Variants in PHC2 observed in about 807,000 individuals in gnomAD.
The protein encoded by PHC2 is polyhomeotic-like protein 2.
In PHC2, 29 loss-of-function variants were observed where a neutral mutation model predicts 87.4. That is an observed-to-expected ratio of 0.33 (90% confidence interval 0.25 to 0.45). The LOEUF (loss-of-function observed/expected upper bound fraction) is 0.45. Ranked by LOEUF, PHC2 falls within the 20% of genes least tolerant of loss-of-function variation. The pLI is 1.00. For missense variants in PHC2, 857 were observed against 1,136.7 expected, an observed-to-expected ratio of 0.75 and a Z score of 3.54; for synonymous variants, 438 against 461.7, an observed-to-expected ratio of 0.95 and a Z score of 0.66.
intron 14 of PHC2, among the ~76,000 whole-genome samples, chr1:33,328,375 TAAA>T (rs1339786909): frequency 3.6e-5 from 4 of 111,358 alleles, no homozygotes; most frequent in African/African-American, 6.8e-5. Flanking sequence ...TTTTCTTAAT[TAAA>T]TTTTTTTTTT....
chr1:33,337,424 G>A (rs1646662735), intron 9 of PHC2, among the ~76,000 whole-genome samples: 1 of 152,178 alleles, frequency 6.6e-6, no homozygotes. Context: ...AACTCACAGA[G>A]AACAAGGCCA....
At chr1:33,430,473 C>T (rs541898416) in intron 1 of PHC2, among the ~76,000 whole-genome samples, 4 of 152,186 alleles carry the variant, frequency 2.6e-5, no homozygotes, top group Non-Finnish European at 4.4e-5. Context: ...GCGGGCGCCC[C>T]GGTCAGGCCC....
chr1:33,422,897 C>T (rs1268591936), intron 1 of PHC2, among the ~76,000 whole-genome samples: 1 of 151,868 alleles, frequency 6.6e-6, no homozygotes, highest in Non-Finnish European at 1.5e-5. Flanking sequence ...TCAATTCTAT[C>T]TAGGAGGCCC....
intron 1 of PHC2, among the ~76,000 whole-genome samples, chr1:33,388,047 T>C (rs1056827588): frequency 6.6e-6 from 1 of 152,228 alleles, no homozygotes; most frequent in Non-Finnish European, 1.5e-5. Context: ...ACAAAATCAT[T>C]TGCAATCATT....
chr1:33,423,527 T>G (rs1650540549), intron 1 of PHC2, among the ~76,000 whole-genome samples: 1 of 152,218 alleles, frequency 6.6e-6, no homozygotes, highest in African/African-American at 2.4e-5. Flanking sequence ...CTTTGGGGTA[T>G]GGCTTTATGG....
chr1:33,421,678 A>G (rs1051847946), intron 1 of PHC2, among the ~76,000 whole-genome samples: 3 of 152,220 alleles, frequency 2.0e-5, no homozygotes, highest in Non-Finnish European at 4.4e-5. Context: ...ACTCCAAGAC[A>G]TGGGTGGTGT....
Position 33,349,541 on chromosome 1 carries a change from A to AGCGCG in PHC2, c.1558+4855_1558+4859dup. 5 of 982,760 alleles carry AGCGCG rather than the reference A, an allele frequency of 5.1e-6. No homozygotes were observed. The highest frequency in any genetic ancestry group is 6.0e-6 in the Non-Finnish European group (5 of 827,846). 60.9% of individuals were successfully genotyped at this position (982,760 alleles called of 1,614,324 possible). On this transcript the variant is annotated intron_variant, in intron 9 of 14. Coordinates refer to ENST00000683057, the MANE Select transcript of PHC2 (RefSeq NM_001385109.1). This position sits in a 1 kb window ranked among gnomAD's most constrained non-coding sequence, Gnocchi z 4.2. Reference sequence around the variant, plus strand: ...GCGGTGCCCGACTTCCAGTGCGGCGAGCGCGGCCCCCGGCCTCCCTACTGG... The same window carrying AGCGCG: ...GCGGTGCCCGACTTCCAGTGCGGCGAGCGCGGCGCGGCCCCCGGCCTCCCTACTGG...
chr1:33,343,682 GAGA>G (rs1385987531), intron 9 of PHC2, among the ~76,000 whole-genome samples: 1 of 152,166 alleles, frequency 6.6e-6, no homozygotes, highest in African/African-American at 2.4e-5. Flanking sequence ...TGAGACCTGT[GAGA>G]AGATTAGGAA....
chr1:33,414,476 GT>G (rs1650123011), intron 1 of PHC2, among the ~76,000 whole-genome samples: 1 of 152,164 alleles, frequency 6.6e-6, no homozygotes, highest in South Asian at 2.1e-4. Context: ...ATATTGGGAT[GT>G]TTATCAAAGC....
intron 13 of PHC2, among the ~76,000 whole-genome samples, chr1:33,329,787 C>T (rs1040814701): frequency 6.6e-6 from 1 of 152,144 alleles, no homozygotes; most frequent in African/African-American, 2.4e-5. Context: ...CAGGGGAGAC[C>T]CCATTTCCGT....
intron 2 of PHC2, 129 bp from the exon 3 acceptor site, chr1:33,372,576 C>A: frequency 1.6e-6 from 1 of 617,324 alleles, no homozygotes; most frequent in South Asian, 4.1e-5. Flanking sequence ...TGACCACCAC[C>A]ACAGCCAATT....
chr1:33,394,668 T>C (rs1649222685), intron 1 of PHC2, among the ~76,000 whole-genome samples: 1 of 152,198 alleles, frequency 6.6e-6, no homozygotes. Context: ...CTGGAACTCC[T>C]AGGCTCAAGT....
At chr1:33,423,013 C>A (rs1457787230) in intron 1 of PHC2, among the ~76,000 whole-genome samples, 1 of 151,998 alleles carries the variant, frequency 6.6e-6, no homozygotes, top group Admixed American at 6.6e-5. Context: ...GATTCTCCCC[C>A]ACTATACCCA....
In PHC2 at chr1:33,347,726, T is replaced by C. The variant is rs79691559; in HGVS notation, c.1558+6675A>G. On this transcript the variant is annotated intron_variant, in intron 9 of 14. Transcript: ENST00000683057. The stretch of plus-strand genomic sequence containing the variant: ...TCTTCCCTGTGTGCATGGACGAGCC[T>C]GGAAACAGATCTTGGGTGGGCTGAG... The C allele has an allele frequency of 3.2e-3, 3,126 of 985,388 alleles. 71 individuals are homozygous for C. In the African/African-American group the frequency reaches 0.05, roughly 16 times the overall value. 61.0% of individuals were successfully genotyped at this position (985,388 alleles called of 1,614,324 possible).
Position 33,370,555 on chromosome 1 carries a change from G to A in PHC2, c.442C>T (p.Gln148Ter). 1 of 1,613,704 alleles carries A rather than the reference G, an allele frequency of 6.2e-7. No individual in the cohort carries two copies. The highest frequency in any genetic ancestry group is 8.5e-7 in the Non-Finnish European group (1 of 1,179,668). Residue 148 changes from glutamine to a stop codon, truncating the protein, a stop_gained, in exon 5 of 15, where the codon CAG becomes TAG. Coordinates refer to ENST00000683057, the MANE Select transcript of PHC2 (RefSeq NM_001385109.1). LOFTEE classifies it high-confidence loss of function. ...ACACTCTGGGCCCGGTTGAGGAGCT[G>A]GGCTGCTGCTGGGGAGGCTGCCAGG... ...INLAASPAAA[Q>*]LLNRAQSVNS... is the part of the protein sequence containing the mutation.
intron 9 of PHC2, among the ~76,000 whole-genome samples, chr1:33,339,520 T>A (rs1646702906): frequency 1.3e-5 from 2 of 152,158 alleles, no homozygotes; most frequent in South Asian, 4.1e-4. Flanking sequence ...GACCTCTGAA[T>A]TCCCTGTCCC....
intron 9 of PHC2, chr1:33,345,836 C>A (rs567262983): frequency 9.1e-4 from 900 of 984,588 alleles, no homozygotes; most frequent in Non-Finnish European, 1.0e-3. Flanking sequence ...CCTCTCAATA[C>A]CTTTAGAAAT....
At position 33,370,661 on chromosome 1, in the gene PHC2, T is replaced by TC. The variant is rs1429316899; in HGVS notation, c.412-77dup. 265 of 1,396,116 alleles carry TC rather than the reference T, an allele frequency of 1.9e-4. 1 individual carries two copies. Among genetic ancestry groups the TC allele is most frequent in the Non-Finnish European group, 2.5e-4 (257 of 1,019,448 alleles). The allele number at this position is 1,396,116 out of a possible 1,614,324, so 86.5% of individuals were successfully genotyped here. On this transcript the variant is annotated intron_variant, in intron 4 of 14. Coordinates refer to ENST00000683057, the MANE Select transcript of PHC2 (RefSeq NM_001385109.1). The stretch of plus-strand genomic sequence containing the variant: ...TGTGTCCCCCTCATCCATTTCTTTC[T>TC]CCCCCCTCTTTTGCTCCTTGGTTTA...
At chr1:33,424,831 T>C (rs1240553689) in intron 1 of PHC2, among the ~76,000 whole-genome samples, 1 of 152,188 alleles carries the variant, frequency 6.6e-6, no homozygotes, top group Non-Finnish European at 1.5e-5. Flanking sequence ...CCAGCCATAA[T>C]AAGGCCCTGG....
Sources: allele counts gnomAD v4.1 joint callset (sites outside exome capture counted in the v4.1 genomes callset), GRCh38; gene constraint gnomAD v4.1.1; non-coding constraint Gnocchi (gnomAD v3.1); transcripts MANE v1.5; gene names NCBI Gene and HGNC (gene_info 2026-07-23, HGNC 2026-07-21).